Variants in PARVB observed in about 807,000 individuals in gnomAD.
PARVB encodes parvin beta.
A neutral mutation model predicts 47.0 loss-of-function variants in PARVB; 46 were observed. The ratio of observed to expected loss-of-function variants is 0.98; its 90% CI spans 0.77 to 1.25. The LOEUF (loss-of-function observed/expected upper bound fraction) is 1.25. Among genes scored for constraint, PARVB ranks in the 50% most tolerant of loss-of-function variants. PARVB has a pLI of 0.00. For missense variants in PARVB, 473 were observed against 471.6 expected (o/e 1.00, Z -0.03); for synonymous variants, 196 against 196.3 (o/e 1.00, Z 0.01).
At chr22:44,096,580 G>A (rs1315902404) in intron 2 of PARVB, among the ~76,000 whole-genome samples, 1 of 152,194 alleles carries the variant, frequency 6.6e-6, no homozygotes, top group Non-Finnish European at 1.5e-5. Context: ...GAGGTGGGTT[G>A]TATCATTATC....
intron 11 of PARVB, among the ~76,000 whole-genome samples, chr22:44,160,180 G>A (rs946811043): frequency 2.0e-5 from 3 of 152,158 alleles, no homozygotes; most frequent in Non-Finnish European, 4.4e-5. Context: ...GCACCCATTG[G>A]TCATCATTTT....
chr22:44,072,661 C>T (rs1200678538), intron 1 of PARVB, among the ~76,000 whole-genome samples: 5 of 152,206 alleles, frequency 3.3e-5, no homozygotes, highest in African/African-American at 7.2e-5. Context: ...AGACTTGTCT[C>T]GAACTCCTGA....
chr22:44,084,222 A>C (rs1473350687), intron 1 of PARVB, among the ~76,000 whole-genome samples: 1 of 152,202 alleles, frequency 6.6e-6, no homozygotes, highest in Non-Finnish European at 1.5e-5. Context: ...GGCCATGCCC[A>C]TCCCTGACTG....
At chr22:44,062,715 C>A (rs2051443107) in intron 1 of PARVB, among the ~76,000 whole-genome samples, 1 of 151,788 alleles carries the variant, frequency 6.6e-6, no homozygotes, top group Non-Finnish European at 1.5e-5. Context: ...ATAAAGGGTG[C>A]AGGTGAGCAG....
At chr22:44,056,822 C>G (rs1025384222) in intron 1 of PARVB, among the ~76,000 whole-genome samples, 2 of 151,672 alleles carry the variant, frequency 1.3e-5, no homozygotes, top group Admixed American at 6.6e-5. Flanking sequence ...CCAGTTTTCT[C>G]AATCAGGTAA....
Position 44,158,062 on chromosome 22 carries a change from TC to T in PARVB, c.926del (p.Pro309ArgfsTer17), listed in dbSNP as rs758778642. The T allele has an allele frequency of 3.7e-6, 6 of 1,613,496 alleles. No homozygotes were observed. In the South Asian group the frequency reaches 6.6e-5, roughly 18 times the overall value. Reference protein sequence around the residue: ...FVPLHHFYLTPESFDQKVHNV... With the variant: ...FVPLHHFYLTXESFDQKVHNV... ...TTCCTCTCCACCACTTCTACCTGAC[TC>T]CGGAAAGCTTCGATCAGAAGGTATG... On this transcript the variant is annotated frameshift_variant, in exon 11 of 13. Transcript: ENST00000338758. LOFTEE classifies it high-confidence loss of function.
At chr22:44,023,537 C>CAAAAT (rs869277920), upstream of PARVB, among the ~76,000 whole-genome samples, 738 of 127,312 alleles carry the variant, frequency 5.8e-3, 16 homozygotes, top group East Asian at 0.025. Flanking sequence ...TAAAACAAAA[C>CAAAAT]AAAATAAAAT....
At chr22:44,135,300 C>T (rs1165150487) in intron 6 of PARVB, among the ~76,000 whole-genome samples, 3 of 152,072 alleles carry the variant, frequency 2.0e-5, no homozygotes, top group Non-Finnish European at 4.4e-5. Flanking sequence ...ACTGTGTCAC[C>T]CAGGCTGGAG....
intron 1 of PARVB, among the ~76,000 whole-genome samples, chr22:44,083,051 T>G (rs1258783537): frequency 1.3e-5 from 2 of 152,138 alleles, no homozygotes; most frequent in Non-Finnish European, 2.9e-5. Flanking sequence ...AGCAAGTCCC[T>G]AATTGCGGAG....
chr22:44,006,749 C>T (rs1039838402), intron 2 of PARVB, among the ~76,000 whole-genome samples: 1 of 152,218 alleles, frequency 6.6e-6, no homozygotes, highest in Non-Finnish European at 1.5e-5. Flanking sequence ...TAGGTTTGAA[C>T]TCAGCACACT....
intron 11 of PARVB, among the ~76,000 whole-genome samples, chr22:44,163,649 G>A (rs1260704227): frequency 6.6e-6 from 1 of 152,192 alleles, no homozygotes; most frequent in Non-Finnish European, 1.5e-5. Context: ...TGTGAGGGGT[G>A]AGAACCACCT....
At chr22:44,020,072 C>T (rs542791766), upstream of PARVB, among the ~76,000 whole-genome samples, 4 of 152,290 alleles carry the variant, frequency 2.6e-5, no homozygotes, top group African/African-American at 7.2e-5. Flanking sequence ...TCTGCAGCGG[C>T]GCCAGCTGGG....
At chr22:44,070,985 C>T (rs561261756) in intron 1 of PARVB, among the ~76,000 whole-genome samples, 1 of 146,834 alleles carries the variant, frequency 6.8e-6, no homozygotes, top group African/African-American at 2.7e-5. Flanking sequence ...GACCAGGACC[C>T]CCCGGCCCCT....
At chr22:44,066,032 C>T (rs780184387) in intron 1 of PARVB, among the ~76,000 whole-genome samples, 1 of 152,098 alleles carries the variant, frequency 6.6e-6, no homozygotes, top group Non-Finnish European at 1.5e-5. Flanking sequence ...CCAGTAGTCT[C>T]CTACTTCTTT....
rs1460361345 is a variant in PARVB at position 44,125,074 on chromosome 22, A to T, written c.376+5934A>T. ...GACAGGTGGTGGTGAGGGTGGGGGG[A>T]TGAGGTGCTGGGGAGGCCATGTCCC... On this transcript the variant is annotated intron_variant, in intron 4 of 12. Coordinates refer to ENST00000338758, the MANE Select transcript of PARVB (RefSeq NM_013327.5). This position sits in a 1 kb window ranked among gnomAD's most constrained non-coding sequence, Gnocchi z 4.1. 6.6e-6 allele frequency among the ~76,000 whole-genome samples: 1 copy of T among 151,168 alleles called. No homozygotes were observed. The highest frequency in any genetic ancestry group is 1.5e-5 in the Non-Finnish European group (1 of 67,768).
rs113458130 is a variant in PARVB, at chr22:43,999,834, G to GAA, written c.211+184_211+185dup. 4.0e-3 allele frequency among the ~76,000 whole-genome samples: 276 copies of GAA among 69,334 alleles called. 10 individuals are homozygous for GAA. The highest frequency in any genetic ancestry group is 9.8e-3 in the African/African-American group (204 of 20,770). 45.5% of individuals were successfully genotyped at this position (69,334 alleles called of 152,430 possible). The stretch of plus-strand genomic sequence containing the variant: ...CAACATAGTGAAAACCCATCTATAT[G>GAA]AAAAAAAAAAAAAAAAAAAAAAAAC... On this transcript the variant is annotated intron_variant, in intron 2 of 13. Transcript: ENST00000406477.
At chr22:44,020,842 G>A (rs1380833482), upstream of PARVB, among the ~76,000 whole-genome samples, 9 of 151,420 alleles carry the variant, frequency 5.9e-5, no homozygotes, top group Admixed American at 3.3e-4. Flanking sequence ...GTGCAGTGGC[G>A]TGATCTCGGC....
chr22:44,147,587 T>C (rs1363106196), intron 8 of PARVB: 3 of 611,430 alleles, frequency 4.9e-6, no homozygotes, highest in African/African-American at 1.8e-5. Flanking sequence ...ATGTGTTTCA[T>C]ATGAGAAGGT....
chr22:44,035,895 C>A (rs1160387838), intron 1 of PARVB, among the ~76,000 whole-genome samples: 2 of 151,902 alleles, frequency 1.3e-5, no homozygotes, highest in Non-Finnish European at 2.9e-5. Context: ...AATGCAATAG[C>A]AACAGGAGGC....
Sources: allele counts gnomAD v4.1 joint callset (sites outside exome capture counted in the v4.1 genomes callset), GRCh38; gene constraint gnomAD v4.1.1; non-coding constraint Gnocchi (gnomAD v3.1); transcripts MANE v1.5; gene names NCBI Gene and HGNC (gene_info 2026-07-23, HGNC 2026-07-21).